Variants in EPCAM observed in about 807,000 individuals in gnomAD.
The protein encoded by EPCAM is epithelial cell adhesion molecule, also known as adenocarcinoma-associated antigen.
Under a neutral mutation model 40.0 loss-of-function variants are expected in EPCAM, and 39 were observed. The ratio of observed to expected loss-of-function variants is 0.98; its 90% CI spans 0.76 to 1.27. The LOEUF (loss-of-function observed/expected upper bound fraction) is 1.27. Among genes scored for constraint, EPCAM ranks in the 50% most tolerant of loss-of-function variants. The pLI is 0.00. For missense variants in EPCAM, 503 were observed against 381.2 expected (o/e 1.32, Z -2.66); for synonymous variants, 168 against 132.3 (o/e 1.27, Z -1.85).
rs2103757175 is a variant in EPCAM at position 47,379,016 on chromosome 2, G to A, written c.619G>A (p.Val207Met). 1 of 1,602,332 alleles carries A rather than the reference G, an allele frequency of 6.2e-7. No homozygotes were observed. Among genetic ancestry groups the A allele is most frequent in the African/African-American group, 1.3e-5 (1 of 74,806 alleles). The stretch of plus-strand genomic sequence containing the variant: ...TTCTTCTCAAAAAACTCAGAATGAT[G>A]TGGACATAGCTGATGTGGCTTATTA... ...QNSSQKTQND[V>M]DIADVAYYFE... Residue 207 changes from valine (V) to methionine (M), a missense_variant, in exon 6 of 9, where the codon GTG (valine) becomes ATG (methionine). Val to Met is a conservative substitution (Grantham distance 21). Coordinates refer to ENST00000263735, the MANE Select transcript of EPCAM (RefSeq NM_002354.3).
Position 47,369,395 on chromosome 2 carries a change from G to A in EPCAM, c.-111G>A, listed in dbSNP as rs886056130. On this transcript the variant is annotated 5_prime_UTR_variant, in exon 1 of 9. In the 5' UTR this introduces an upstream ATG that the reference lacks. Coordinates refer to ENST00000263735, the MANE Select transcript of EPCAM (RefSeq NM_002354.3). Reference sequence around the variant, plus strand: ...CGCTGTCCTCCCGACGCGGACCCGCGTGCCCCAGGCCTCGCGCTGCCCGGC... The same window carrying A: ...CGCTGTCCTCCCGACGCGGACCCGCATGCCCCAGGCCTCGCGCTGCCCGGC... The A allele has an allele frequency of 1.7e-6, 2 of 1,210,068 alleles. No homozygotes were observed. The highest frequency in any genetic ancestry group is 4.1e-5 in the Admixed American group (1 of 24,198). 75.0% of individuals were successfully genotyped at this position (1,210,068 alleles called of 1,614,324 possible).
chr2:47,377,767 C>G (rs1358953843), intron 5 of EPCAM: 2 of 464,244 alleles, frequency 4.3e-6, no homozygotes, highest in African/African-American at 2.0e-5. Context: ...TACTGGAGCT[C>G]CCATCTTCTC....
chr2:47,384,659 C>G (rs1314381474), intron 7 of EPCAM, among the ~76,000 whole-genome samples: 1 of 151,934 alleles, frequency 6.6e-6, no homozygotes, highest in Non-Finnish European at 1.5e-5. Flanking sequence ...CTCAAGTGAT[C>G]CGCCCACCTC....
At chr2:47,384,081 T>C (rs537554136) in intron 7 of EPCAM, among the ~76,000 whole-genome samples, 1 of 152,106 alleles carries the variant, frequency 6.6e-6, no homozygotes, top group South Asian at 2.1e-4. Flanking sequence ...TTTTTTTTGT[T>C]TAGTAGTGAA....
chr2:47,376,509 C>G (rs1310396227), intron 4 of EPCAM, among the ~76,000 whole-genome samples: 1 of 152,184 alleles, frequency 6.6e-6, no homozygotes, highest in Non-Finnish European at 1.5e-5. Context: ...ATCTGCCCAC[C>G]TCAGCATCCC....
chr2:47,374,079 C>T (rs370149689), intron 3 of EPCAM, 31 bp downstream of exon 3: 21 of 1,612,250 alleles, frequency 1.3e-5, no homozygotes, highest in East Asian at 1.1e-4. Context: ...TACTTGTTTT[C>T]ATGCTGTTCA....
In EPCAM at chr2:47,379,063, C is replaced by T. The variant is rs770601034; in HGVS notation, c.657+9C>T. 2.9e-6 allele frequency: 4 copies of T among 1,372,244 alleles called. No homozygotes were observed. The Admixed American group carries it at 6.7e-5, about 23-fold the overall frequency. 85.0% of individuals were successfully genotyped at this position (1,372,244 alleles called of 1,614,324 possible). On this transcript the variant is annotated intron_variant, in intron 6 of 8. Coordinates refer to ENST00000263735, the MANE Select transcript of EPCAM (RefSeq NM_002354.3). ...ATTATTTTGAAAAAGATGTGAGTAT[C>T]ATCTTCTTTATTCCTGTGTTCAGGA...
intron 8 of EPCAM, 45 bp from the exon 9 acceptor site, chr2:47,386,527 T>G: frequency 6.9e-7 from 1 of 1,457,098 alleles, no homozygotes; most frequent in Non-Finnish European, 9.6e-7. Context: ...AACAAAAGAT[T>G]GAAAAATTAT....
intron 1 of EPCAM, 138 bp downstream of exon 1, chr2:47,369,719 C>A (rs1671169178): frequency 1.1e-6 from 1 of 929,954 alleles, no homozygotes; most frequent in Non-Finnish European, 1.7e-6. Flanking sequence ...CCGGACGGTG[C>A]GGCCGTGCTC....
intron 7 of EPCAM, among the ~76,000 whole-genome samples, chr2:47,382,372 T>C (rs1036713916): frequency 5.9e-5 from 9 of 152,192 alleles, no homozygotes; most frequent in African/African-American, 1.2e-4. Context: ...CACATTGTTA[T>C]TGTATCATAG....
chr2:47,374,135 T>G, intron 3 of EPCAM, 87 bp downstream of exon 3: 14 of 1,488,154 alleles, frequency 9.4e-6, no homozygotes, highest in Non-Finnish European at 1.3e-5. Flanking sequence ...TATGATTTCA[T>G]GGTTTAGAAT....
intron 6 of EPCAM, 98 bp downstream of exon 6, chr2:47,379,152 C>A: frequency 1.3e-6 from 1 of 765,634 alleles, no homozygotes; most frequent in Non-Finnish European, 2.3e-6. Flanking sequence ...ACTTACAGAT[C>A]AACCAAATGG....
chr2:47,376,333 C>T (rs536901519), intron 4 of EPCAM, among the ~76,000 whole-genome samples: 86 of 150,812 alleles, frequency 5.7e-4, no homozygotes, highest in African/African-American at 2.0e-3. Context: ...CACGGCTCAC[C>T]GCAACCTCTG....
At chr2:47,371,936 T>C (rs1299355912) in intron 1 of EPCAM, among the ~76,000 whole-genome samples, 1 of 152,236 alleles carries the variant, frequency 6.6e-6, no homozygotes, top group African/African-American at 2.4e-5. Context: ...TTTTCTTTTT[T>C]TTCCTCTTCA....
At chr2:47,376,971 G>C (rs748471427) in intron 4 of EPCAM, 43 bp from the exon 5 acceptor site, 1 of 1,330,080 alleles carries the variant, frequency 7.5e-7, no homozygotes, top group Non-Finnish European at 1.1e-6. Context: ...CTGTTGTGTG[G>C]TACAAACATT....
chr2:47,377,166 T>C (rs1414027770), intron 5 of EPCAM, 89 bp downstream of exon 5: 4 of 858,516 alleles, frequency 4.7e-6, no homozygotes, highest in Non-Finnish European at 8.1e-6. Context: ...TAAGTGGTGG[T>C]TAAATGCACT....
intron 3 of EPCAM, 96 bp from the exon 4 acceptor site, chr2:47,375,138 A>G: frequency 1.1e-6 from 1 of 893,884 alleles, no homozygotes; most frequent in Non-Finnish European, 1.8e-6. Context: ...TTTTTCTCTT[A>G]GTCCTTATAA....
intron 8 of EPCAM, among the ~76,000 whole-genome samples, chr2:47,385,840 C>T (rs562219378): frequency 1.8e-4 from 27 of 152,258 alleles, no homozygotes; most frequent in Non-Finnish European, 2.9e-4. Flanking sequence ...CCAGAAAGTT[C>T]TAGCATTTTT....
chr2:47,369,956 C>T (rs992827350), intron 1 of EPCAM: 1 of 373,960 alleles, frequency 2.7e-6, no homozygotes, highest in Non-Finnish European at 5.2e-6. Flanking sequence ...CCAAAACAGC[C>T]CCAGCCGGTG....
Sources: allele counts gnomAD v4.1 joint callset (sites outside exome capture counted in the v4.1 genomes callset), GRCh38; gene constraint gnomAD v4.1.1; transcripts MANE v1.5; gene names NCBI Gene and HGNC (gene_info 2026-07-23, HGNC 2026-07-21).